RPAP3: variants seen among roughly 807,000 people sequenced by gnomAD.
RPAP3 encodes the protein RNA polymerase II associated protein 3.
In RPAP3, 58 loss-of-function variants were observed where a neutral mutation model predicts 88.8. The observed-to-expected ratio is 0.65, with a 90% CI of 0.53 to 0.81. The LOEUF is 0.81. Ranked by LOEUF, RPAP3 falls within the 40% of genes least tolerant of loss-of-function variation. RPAP3 has a pLI of 0.00. For synonymous variants in RPAP3, 255 were observed against 259.9 expected, an observed-to-expected ratio of 0.98 and a Z score of 0.18; for missense variants, 751 against 764.3, an observed-to-expected ratio of 0.98 and a Z score of 0.20.
In RPAP3 at chr12:47,668,909, CTCTT is replaced by C. The variant is rs1403335852; in HGVS notation, c.1713+3_1713+6del. 1.9e-6 allele frequency: 3 copies of C among 1,605,486 alleles called. No homozygotes were observed. Among genetic ancestry groups the C allele is most frequent in the Non-Finnish European group, 2.6e-6 (3 of 1,172,332 alleles). ...TACAACAGAAGTACTACCTTCCTCTCTCTTACCTTTAAATACTGATACAACATAT... is the reference window on the plus strand; with the variant it reads ...TACAACAGAAGTACTACCTTCCTCTCACCTTTAAATACTGATACAACATAT... On this transcript the variant is annotated splice_donor_5th_base_variant and intron_variant, in intron 14 of 16. Coordinates refer to ENST00000005386, the MANE Select transcript of RPAP3 (RefSeq NM_024604.3).
In RPAP3 at chr12:47,702,692, T is replaced by C. The variant is rs776792610; in HGVS notation, c.149A>G (p.Glu50Gly). Reference protein sequence around the residue: ...MELRRQNGVPEENLPPIRNGN... With the variant: ...MELRRQNGVPGENLPPIRNGN... ...AATTACGAATTCTTAATTTACCTCT[T>C]CAGGAACACCATTCTGTCTTCTTAG... Residue 50 changes from glutamate (E) to glycine (G), a missense_variant, in exon 2 of 17, where the codon GAA (glutamate) becomes GGA (glycine). By Grantham distance (98) the Glu-to-Gly change is moderately conservative. Coordinates refer to ENST00000005386, the MANE Select transcript of RPAP3 (RefSeq NM_024604.3). The C allele has an allele frequency of 1.3e-6, 2 of 1,574,878 alleles. No homozygotes were observed. The highest frequency in any genetic ancestry group is 2.4e-5 in the South Asian group (2 of 82,442).
intron 10 of RPAP3, among the ~76,000 whole-genome samples, chr12:47,681,285 C>T (rs1445731801): frequency 1.3e-5 from 2 of 152,302 alleles, no homozygotes; most frequent in South Asian, 2.1e-4. Flanking sequence ...TAGGAGTCAA[C>T]TTTCAATATA....
Position 47,696,330 on chromosome 12 carries a change from G to A in RPAP3, c.491C>T (p.Pro164Leu). The change falls in exon 5 of 17, where the codon CCA (proline) becomes CTA (leucine). Residue 164 changes from proline to leucine, a missense_variant. Coordinates refer to ENST00000005386, the MANE Select transcript of RPAP3 (RefSeq NM_024604.3). ...GTTCGTTGGCAACACGGGATTATAT[G>A]GATCGGCATCCATGCCTTTTGTGTA... ...DCYTKGMDAD[P>L]YNPVLPTNRA... 2 of 1,599,504 alleles carry A rather than the reference G, an allele frequency of 1.3e-6. No individual in the cohort carries two copies. Among genetic ancestry groups the A allele is most frequent in the Non-Finnish European group, 1.7e-6 (2 of 1,172,538 alleles).
chr12:47,685,329 A>C (rs1939300868), intron 9 of RPAP3, among the ~76,000 whole-genome samples: 2 of 151,844 alleles, frequency 1.3e-5, no homozygotes, highest in Non-Finnish European at 2.9e-5. Flanking sequence ...CAGTGAGCCA[A>C]AATTACACCA....
intron 9 of RPAP3, among the ~76,000 whole-genome samples, chr12:47,683,986 T>C (rs1939276668): frequency 6.6e-6 from 1 of 152,314 alleles, no homozygotes; most frequent in East Asian, 1.9e-4. Flanking sequence ...CTAATACTAC[T>C]GGGTTATTTT....
In RPAP3 at chr12:47,701,611, AG is replaced by A; in HGVS notation, c.154-8del. On this transcript the variant is annotated splice_polypyrimidine_tract_variant and splice_region_variant and intron_variant, in intron 2 of 16. Transcript: ENST00000005386. The stretch of plus-strand genomic sequence containing the variant: ...TTCGAATAGGAGGTAAATTCTAAGG[AG>A]GGAAAAAAAAACACAAAGTTGTGAG... The A allele has an allele frequency of 6.4e-7, 1 of 1,566,898 alleles. No homozygotes were observed. Among genetic ancestry groups the A allele is most frequent in the Non-Finnish European group, 8.6e-7 (1 of 1,161,212 alleles).
intron 9 of RPAP3, among the ~76,000 whole-genome samples, chr12:47,682,171 T>C (rs1031994892): frequency 7.9e-5 from 12 of 152,304 alleles, no homozygotes; most frequent in Middle Eastern, 3.4e-3. Context: ...TTGACTGGCA[T>C]TAGTTTTCTA....
intron 5 of RPAP3, among the ~76,000 whole-genome samples, chr12:47,694,613 T>A (rs1939487599): frequency 1.3e-5 from 2 of 150,718 alleles, no homozygotes; most frequent in South Asian, 4.2e-4. Context: ...AAAGATTAGT[T>A]ATCCAGAATA....
At chr12:47,693,434 C>T (rs1198101042) in intron 5 of RPAP3, among the ~76,000 whole-genome samples, 2 of 152,146 alleles carry the variant, frequency 1.3e-5, no homozygotes, top group African/African-American at 2.4e-5. Flanking sequence ...ATTACCAAAA[C>T]GTGACATAGA....
chr12:47,693,221 G>A (rs1939462188), intron 5 of RPAP3, among the ~76,000 whole-genome samples: 3 of 152,070 alleles, frequency 2.0e-5, no homozygotes, highest in Non-Finnish European at 4.4e-5. Context: ...CAATACTGTT[G>A]TGTCTCAGGG....
At chr12:47,705,254 A>C (rs1264197196) in intron 1 of RPAP3, among the ~76,000 whole-genome samples, 1 of 152,182 alleles carries the variant, frequency 6.6e-6, no homozygotes, top group Non-Finnish European at 1.5e-5. Flanking sequence ...ACAGTGAAAA[A>C]TACCTCACTA....
In RPAP3 at chr12:47,701,453, G is replaced by C. The variant is rs1172229011; in HGVS notation, c.294+11C>G. 7 of 1,547,102 alleles carry C rather than the reference G, an allele frequency of 4.5e-6. No homozygotes were observed. The highest frequency in any genetic ancestry group is 1.4e-5 in the African/African-American group (1 of 71,440). On this transcript the variant is annotated intron_variant, in intron 3 of 16. Coordinates refer to ENST00000005386, the MANE Select transcript of RPAP3 (RefSeq NM_024604.3). ...TCAAATATTAAGAAGCAAATGACTA[G>C]ATTAACTTACCACATCAAGTTTTGC... is the stretch of plus-strand genomic sequence containing the variant.
At chr12:47,685,695 G>A (rs948122046) in intron 9 of RPAP3, among the ~76,000 whole-genome samples, 2 of 152,142 alleles carry the variant, frequency 1.3e-5, no homozygotes, top group African/African-American at 4.8e-5. Context: ...AAGATGTGTC[G>A]AGGATCATCC....
chr12:47,676,617 A>G (rs1939121486), intron 12 of RPAP3, among the ~76,000 whole-genome samples: 1 of 152,178 alleles, frequency 6.6e-6, no homozygotes, highest in African/African-American at 2.4e-5. Context: ...TACTACAAAC[A>G]CCTCTACGCA....
At chr12:47,672,927 T>C (rs1385819008) in intron 12 of RPAP3, among the ~76,000 whole-genome samples, 1 of 152,238 alleles carries the variant, frequency 6.6e-6, no homozygotes, top group Non-Finnish European at 1.5e-5. Flanking sequence ...AATGTCTTTA[T>C]AATTATGGAC....
chr12:47,679,585 C>G lies in RPAP3; in HGVS notation c.1195G>C (p.Glu399Gln), dbSNP rs748226237. 1 of 1,595,066 alleles carries G rather than the reference C, an allele frequency of 6.3e-7. No homozygotes were observed. The highest frequency in any genetic ancestry group is 2.2e-5 in the East Asian group (1 of 44,536). ...ELSKIKKELIEKGHWDDVFLD... is the reference protein window; with the variant it reads ...ELSKIKKELIQKGHWDDVFLD... ...AAGACATCATCCCAGTGTCCTTTCTCAATTAATTCCTTGAAAATAAATTTA... is the reference window on the plus strand; with the variant it reads ...AAGACATCATCCCAGTGTCCTTTCTGAATTAATTCCTTGAAAATAAATTTA... Residue 399 changes from glutamate (E) to glutamine (Q), a missense_variant, in exon 12 of 17, where the codon GAG becomes CAG. Glu to Gln is a conservative substitution (Grantham distance 29, BLOSUM62 2). Transcript: ENST00000005386.
chr12:47,688,528 T>C (rs1939368775), intron 7 of RPAP3, among the ~76,000 whole-genome samples: 1 of 152,186 alleles, frequency 6.6e-6, no homozygotes, highest in South Asian at 2.1e-4. Flanking sequence ...GTAGCATCCA[T>C]TAAAAGTAGT....
rs772232461 is a variant in RPAP3 at position 47,702,672 on chromosome 12, C to T, written c.153+16G>A. ...AATTAGTTTTGGTGGATCTTAATTA[C>T]GAATTCTTAATTTACCTCTTCAGGA... On this transcript the variant is annotated intron_variant, in intron 2 of 16. Transcript: ENST00000005386. The T allele has an allele frequency of 9.7e-5, 147 of 1,518,344 alleles. No homozygotes were observed. Among genetic ancestry groups the T allele is most frequent in the Non-Finnish European group, 1.2e-4 (136 of 1,128,558 alleles). The allele number at this position is 1,518,344 out of a possible 1,614,324, so 94.1% of individuals were successfully genotyped here.
chr12:47,677,049 C>T (rs1029274089), intron 12 of RPAP3, among the ~76,000 whole-genome samples: 18 of 152,214 alleles, frequency 1.2e-4, no homozygotes, highest in Non-Finnish European at 1.2e-4. Flanking sequence ...CCACCACGAT[C>T]AAGCTGGCTT....
Sources: allele counts gnomAD v4.1 joint callset (sites outside exome capture counted in the v4.1 genomes callset), GRCh38; gene constraint gnomAD v4.1.1; transcripts MANE v1.5; gene names NCBI Gene and HGNC (gene_info 2026-07-23, HGNC 2026-07-21).